Variants in NKAIN2 observed in about 807,000 individuals in gnomAD.
The protein encoded by NKAIN2 is sodium/potassium transporting ATPase interacting 2, also known as sodium/potassium-transporting ATPase subunit beta-1-interacting protein 2.
A neutral mutation model predicts 32.6 loss-of-function variants in NKAIN2; 14 were observed. That is an observed-to-expected ratio of 0.43 (90% CI 0.28 to 0.67). NKAIN2 has a LOEUF of 0.67. NKAIN2 is among the 30% of genes least tolerant of loss of function. The pLI is 0.17. For missense variants in NKAIN2, 198 were observed against 258.3 expected, an observed-to-expected ratio of 0.77 and a Z score of 1.60; for synonymous variants, 80 against 87.2, an observed-to-expected ratio of 0.92 and a Z score of 0.46.
At chr6:124,247,027 A>G (rs1793445331) in intron 1 of NKAIN2, among the ~76,000 whole-genome samples, 1 of 151,832 alleles carries the variant, frequency 6.6e-6, no homozygotes. Context: ...CTTTGCACAT[A>G]ATTTCTACAT....
intron 3 of NKAIN2, among the ~76,000 whole-genome samples, chr6:124,423,176 T>G (rs1156629496): frequency 6.6e-6 from 1 of 152,218 alleles, no homozygotes; most frequent in East Asian, 1.9e-4. Context: ...AATTTTCTAT[T>G]TTTTCATATT....
Position 124,751,564 on chromosome 6 carries a change from A to T in NKAIN2, c.475-39775A>T, listed in dbSNP as rs573935228. ...GGAGAGGAAATTATTTAAAGGAATC[A>T]GTTTATCATAGTGCAGCTCAGCAGG... On this transcript the variant is annotated intron_variant, in intron 4 of 6. Transcript: ENST00000368417. Among the ~76,000 whole-genome samples, 265 of 152,030 alleles carry T rather than the reference A, an allele frequency of 1.7e-3. 3 individuals carry two copies. The highest frequency in any genetic ancestry group is 5.9e-3 in the African/African-American group (245 of 41,498).
chr6:124,350,155 A>G (rs1484289169), intron 2 of NKAIN2, among the ~76,000 whole-genome samples: 1 of 152,240 alleles, frequency 6.6e-6, no homozygotes, highest in East Asian at 1.9e-4. Flanking sequence ...TCCAGGGCAG[A>G]ACATCTTTTC....
chr6:124,602,093 C>A lies in NKAIN2; in HGVS notation c.274-56093C>A, dbSNP rs536295822. Among the ~76,000 whole-genome samples the A allele has an allele frequency of 1.2e-3, 184 of 152,052 alleles. 1 individual carries two copies. The highest frequency in any genetic ancestry group is 4.1e-3 in the African/African-American group (172 of 41,516). On this transcript the variant is annotated intron_variant, in intron 3 of 6. Transcript: ENST00000368417. ...CCTTTCGGGCTCCCTACATTTTTCC[C>A]TAGCACATGATTAGGACTCAATAAA...
intron 1 of NKAIN2, among the ~76,000 whole-genome samples, chr6:123,884,516 T>G (rs924595824): frequency 6.6e-6 from 1 of 152,212 alleles, no homozygotes; most frequent in African/African-American, 2.4e-5. Context: ...TGAAGTAATC[T>G]CTTACACTTC....
chr6:124,179,556 G>T (rs1276358285), intron 1 of NKAIN2, among the ~76,000 whole-genome samples: 1 of 152,204 alleles, frequency 6.6e-6, no homozygotes, highest in Non-Finnish European at 1.5e-5. Context: ...CAAAATTACA[G>T]TTGAGAGGAA....
At chr6:124,186,369 G>A (rs1789743968) in intron 1 of NKAIN2, among the ~76,000 whole-genome samples, 1 of 152,106 alleles carries the variant, frequency 6.6e-6, no homozygotes, top group African/African-American at 2.4e-5. Flanking sequence ...CTTGAGCACA[G>A]GAGTTCCAGG....
chr6:124,190,664 G>A (rs899315845), intron 1 of NKAIN2, among the ~76,000 whole-genome samples: 3 of 152,012 alleles, frequency 2.0e-5, no homozygotes, highest in Non-Finnish European at 2.9e-5. Context: ...AAGCATATAC[G>A]GTAGTAAGTG....
chr6:124,258,581 A>G (rs888408694), intron 1 of NKAIN2, among the ~76,000 whole-genome samples: 13 of 152,356 alleles, frequency 8.5e-5, no homozygotes, highest in Admixed American at 7.2e-4. Context: ...AGAGATTAAG[A>G]ACATAACTTT....
chr6:123,898,557 T>C (rs933542482), intron 1 of NKAIN2, among the ~76,000 whole-genome samples: 2 of 151,668 alleles, frequency 1.3e-5, no homozygotes, highest in Non-Finnish European at 2.9e-5. Context: ...GGGTGTTTTT[T>C]TTTTTTTTTT....
chr6:124,137,261 A>G (rs1027837651), intron 1 of NKAIN2, among the ~76,000 whole-genome samples: 4 of 151,996 alleles, frequency 2.6e-5, no homozygotes, highest in African/African-American at 9.7e-5. Context: ...TTTTTCAACG[A>G]CTGGAAAAAA....
At chr6:123,951,360 G>A (rs192763256) in intron 1 of NKAIN2, among the ~76,000 whole-genome samples, 1 of 151,944 alleles carries the variant, frequency 6.6e-6, no homozygotes, top group Non-Finnish European at 1.5e-5. Flanking sequence ...GTGAAGTGTT[G>A]ATTTCTTCAA....
At chr6:124,203,454 C>T (rs1473914210) in intron 1 of NKAIN2, among the ~76,000 whole-genome samples, 1 of 151,858 alleles carries the variant, frequency 6.6e-6, no homozygotes, top group African/African-American at 2.4e-5. Flanking sequence ...TAGTGGCTCA[C>T]TCTCAAGTGA....
chr6:124,332,870 C>G (rs1007239306), intron 2 of NKAIN2, among the ~76,000 whole-genome samples: 5 of 152,170 alleles, frequency 3.3e-5, no homozygotes, highest in African/African-American at 1.2e-4. Flanking sequence ...TCCCTTTGCA[C>G]TCATCCAGGA....
At chr6:124,693,204 A>G (rs1247532727) in intron 4 of NKAIN2, among the ~76,000 whole-genome samples, 1 of 152,240 alleles carries the variant, frequency 6.6e-6, no homozygotes, top group Non-Finnish European at 1.5e-5. Context: ...CCCATAGATT[A>G]TAATACTGTT....
At chr6:124,631,295 A>T (rs1292433715) in intron 3 of NKAIN2, among the ~76,000 whole-genome samples, 3 of 152,202 alleles carry the variant, frequency 2.0e-5, no homozygotes, top group African/African-American at 4.8e-5. Flanking sequence ...GATTACTAAC[A>T]AACAATTGGG....
At chr6:124,649,713 C>G (rs1436196474) in intron 3 of NKAIN2, among the ~76,000 whole-genome samples, 1 of 152,044 alleles carries the variant, frequency 6.6e-6, no homozygotes, top group Non-Finnish European at 1.5e-5. Flanking sequence ...CAAAGACTTT[C>G]AACATATAAC....
chr6:124,287,597 G>A (rs1795614379), intron 2 of NKAIN2, among the ~76,000 whole-genome samples: 1 of 152,144 alleles, frequency 6.6e-6, no homozygotes, highest in African/African-American at 2.4e-5. Flanking sequence ...AAGGAAACCT[G>A]AAGCCAGAAT....
At chr6:124,204,976 A>T (rs1005295499) in intron 1 of NKAIN2, among the ~76,000 whole-genome samples, 2 of 75,378 alleles carry the variant, frequency 2.7e-5, no homozygotes, top group African/African-American at 8.6e-5. Context: ...CTCTGCATCT[A>T]AAAAAAAGCA....
Sources: gnomAD v4.1 joint callset for allele counts (sites outside exome capture counted in the v4.1 genomes callset) on GRCh38, gnomAD v4.1.1 for gene constraint, MANE v1.5 for transcripts, NCBI Gene and HGNC (gene_info 2026-07-23, HGNC 2026-07-21) for gene names.